Variants in ADGRF3 observed in about 807,000 individuals in gnomAD.
ADGRF3 encodes the protein adhesion G protein-coupled receptor F3.
ADGRF3 carries 85 observed loss-of-function variants against 93.2 expected under a neutral mutation model. The observed-to-expected ratio is 0.91, with a 90% confidence interval of 0.77 to 1.09. The LOEUF is 1.09. Among genes scored for constraint, ADGRF3 ranks in the 50% least tolerant of loss-of-function variants. The pLI is 0.00. For synonymous variants in ADGRF3, 534 were observed against 532.5 expected, an observed-to-expected ratio of 1.00 and a Z score of -0.04; for missense variants, 1,125 against 1,246.2, an observed-to-expected ratio of 0.90 and a Z score of 1.46.
In ADGRF3 at chr2:26,326,406, G is replaced by T. The variant is rs573246946; in HGVS notation, c.115-8844C>A. Among the ~76,000 whole-genome samples the T allele has an allele frequency of 2.6e-5, 4 of 152,222 alleles. No homozygotes were observed. The East Asian group carries it at 7.7e-4, about 29-fold the overall frequency. On this transcript the variant is annotated intron_variant, in intron 1 of 13. Coordinates refer to ENST00000651242, the MANE Select transcript of ADGRF3 (RefSeq NM_001321971.2). ...ACTTTTTGCTTTGGTGAGAGGGAGA[G>T]GGAACAGAAAATATATCCTTCTGGA...
chr2:26,335,159 T>A (rs189420004), intron 1 of ADGRF3, among the ~76,000 whole-genome samples: 122 of 152,294 alleles, frequency 8.0e-4, no homozygotes, highest in Non-Finnish European at 7.6e-4. Flanking sequence ...ATTTTCATTA[T>A]CCCTAAAAGA....
At chr2:26,317,733 A>T (rs1217338025) in intron 1 of ADGRF3, among the ~76,000 whole-genome samples, 171 bp from the exon 2 acceptor site, 1 of 152,204 alleles carries the variant, frequency 6.6e-6, no homozygotes, top group East Asian at 1.9e-4. Context: ...GGTGCCAGGG[A>T]TGCAACCCCA....
chr2:26,315,956 AC>A (rs1674616806), intron 4 of ADGRF3, among the ~76,000 whole-genome samples: 2 of 151,866 alleles, frequency 1.3e-5, no homozygotes, highest in Admixed American at 6.5e-5. Flanking sequence ...CAAAGAGGGA[AC>A]CTTTTTGGTC....
chr2:26,316,494 G>T (rs1223932704), intron 3 of ADGRF3, 46 bp from the exon 4 acceptor site: 2 of 1,532,596 alleles, frequency 1.3e-6, no homozygotes, highest in African/African-American at 2.7e-5. Context: ...GTCTGAAGAA[G>T]CTAGGTGGGC....
Position 26,327,797 on chromosome 2 carries a change from A to G in ADGRF3, c.115-10235T>C, listed in dbSNP as rs1675521706. On this transcript the variant is annotated intron_variant, in intron 1 of 13. Transcript: ENST00000651242. ...CCTTTTATTAGGAGCCTACTCCCAG[A>G]GGACTCCAGGACTGTAAGAAATAAA... 3.3e-5 allele frequency among the ~76,000 whole-genome samples: 5 copies of G among 151,892 alleles called. No individual in the cohort carries two copies. In the South Asian group the frequency reaches 1.0e-3, roughly 32 times the overall value.
At chr2:26,315,298 T>C (rs1412602984) in intron 5 of ADGRF3, among the ~76,000 whole-genome samples, 1 of 152,192 alleles carries the variant, frequency 6.6e-6, no homozygotes, top group African/African-American at 2.4e-5. Flanking sequence ...TTTTTAGAAT[T>C]TTCCACATTG....
At chr2:26,322,229 C>A (rs1675191486) in intron 1 of ADGRF3, among the ~76,000 whole-genome samples, 2 of 148,228 alleles carry the variant, frequency 1.3e-5, no homozygotes, top group Non-Finnish European at 3.0e-5. Flanking sequence ...TTGCAGTGAG[C>A]CGAGATCACT....
intron 1 of ADGRF3, among the ~76,000 whole-genome samples, chr2:26,320,001 G>T (rs934992009): frequency 4.6e-5 from 7 of 152,014 alleles, no homozygotes. Flanking sequence ...TGATAATACT[G>T]GTTTTTTATG....
At position 26,313,829 on chromosome 2, in the gene ADGRF3, A is replaced by G; in HGVS notation, c.1003T>C (p.Tyr335His). Residue 335 changes from tyrosine (Y) to histidine (H), a missense_variant, in exon 7 of 14, where the codon TAC becomes CAC. Physicochemically the swap from Tyr to His is moderately conservative, Grantham distance 83 (BLOSUM62 2). Transcript: ENST00000651242. ...VQRCPMADTTYACDLQSLGLA... is the reference protein window; with the variant it reads ...VQRCPMADTTHACDLQSLGLA... Reference sequence around the variant, plus strand: ...CCCAGGCTCTGCAGGTCACAAGCGTACGTGGTGTCAGCCATCGGGCAGCGC... The same window carrying G: ...CCCAGGCTCTGCAGGTCACAAGCGTGCGTGGTGTCAGCCATCGGGCAGCGC... 6.2e-7 allele frequency: 1 copy of G among 1,614,022 alleles called. No homozygotes were observed.
At chr2:26,323,150 T>C (rs1002038859) in intron 1 of ADGRF3, among the ~76,000 whole-genome samples, 1 of 152,044 alleles carries the variant, frequency 6.6e-6, no homozygotes, top group Non-Finnish European at 1.5e-5. Flanking sequence ...AAAAAAAATC[T>C]ATATATCTGT....
chr2:26,315,127 G>A (rs1265352824), intron 5 of ADGRF3, among the ~76,000 whole-genome samples: 4 of 152,134 alleles, frequency 2.6e-5, no homozygotes, highest in East Asian at 1.9e-4. Context: ...ATTCAATCTC[G>A]TGATGGCCCT....
intron 2 of ADGRF3, 53 bp from the exon 3 acceptor site, chr2:26,317,108 G>A (rs982757992): frequency 1.0e-5 from 16 of 1,546,202 alleles, no homozygotes; most frequent in Middle Eastern, 1.9e-4. Flanking sequence ...GCCACAAGCC[G>A]GTCCCCTCTG....
rs1558406797 is a variant in ADGRF3, at chr2:26,346,063, CGGCCGAA to C, written c.114+51_114+57del. 2.5e-4 allele frequency: 373 copies of C among 1,501,228 alleles called. No homozygotes were observed. In the African/African-American group the frequency reaches 4.7e-3, roughly 19 times the overall value. 93.0% of individuals were successfully genotyped at this position (1,501,228 alleles called of 1,614,324 possible). On this transcript the variant is annotated intron_variant, in intron 1 of 13. Transcript: ENST00000651242. ...TGGGCTGCGCTTGCGCACTGAGAGG[CGGCCGAA>C]GGGGCCGAGGCGGCTACGCGTGCGC...
At position 26,312,830 on chromosome 2, in the gene ADGRF3, G is replaced by A. The variant is rs1446779764; in HGVS notation, c.1449+113C>T. On this transcript the variant is annotated intron_variant, in intron 9 of 13. Coordinates refer to ENST00000651242, the MANE Select transcript of ADGRF3 (RefSeq NM_001321971.2). The stretch of plus-strand genomic sequence containing the variant: ...GGAGCAGGCCCCTGGACTCTGGAAA[G>A]GTCTGCTGCCCAACAGCCCATGGTG... 3.1e-6 allele frequency: 3 copies of A among 957,994 alleles called. No homozygotes were observed. The African/African-American group carries it at 4.9e-5, about 16-fold the overall frequency. The allele number at this position is 957,994 out of a possible 1,614,324, so 59.3% of individuals were successfully genotyped here.
chr2:26,314,700 C>T (rs911015985), intron 5 of ADGRF3, 77 bp from the exon 6 acceptor site: 1 of 1,357,436 alleles, frequency 7.4e-7, no homozygotes, highest in Non-Finnish European at 1.0e-6. Flanking sequence ...GCTTTCCAAG[C>T]CACAGCCTTG....
intron 1 of ADGRF3, among the ~76,000 whole-genome samples, chr2:26,323,344 A>G (rs1468786111): frequency 6.6e-6 from 1 of 152,100 alleles, no homozygotes; most frequent in African/African-American, 2.4e-5. Flanking sequence ...TCCCTCCAAT[A>G]TACATAATGA....
chr2:26,341,315 T>A (rs1200466712), intron 1 of ADGRF3, among the ~76,000 whole-genome samples: 1 of 152,084 alleles, frequency 6.6e-6, no homozygotes, highest in Non-Finnish European at 1.5e-5. Flanking sequence ...GAGGCAGAGG[T>A]TGCGGTTAGC....
At chr2:26,316,234 C>A in intron 4 of ADGRF3, 41 bp downstream of exon 4, 1 of 1,531,320 alleles carries the variant, frequency 6.5e-7, no homozygotes, top group Admixed American at 2.0e-5. Context: ...ACATTTATTT[C>A]ACTTAAGGCC....
In ADGRF3 at chr2:26,316,442, T is replaced by C. The variant is rs1277240084; in HGVS notation, c.332A>G (p.Asn111Ser). 6.4e-6 allele frequency: 10 copies of C among 1,551,432 alleles called. No homozygotes were observed. The East Asian group carries it at 2.0e-4, about 30-fold the overall frequency. ...LTGLRLTTEC[N>S]VNHKGNFYCA... ...ATAGAAATTCCCCTTGTGGTTGACA[T>C]TACACTCTGACAGAGAGAAGAGAAG... Residue 111 changes from asparagine (N) to serine (S), a missense_variant, in exon 4 of 14, where the codon AAT (asparagine) becomes AGT (serine). Transcript: ENST00000651242.
Sources: gnomAD v4.1 joint callset for allele counts (sites outside exome capture counted in the v4.1 genomes callset) on GRCh38, gnomAD v4.1.1 for gene constraint, MANE v1.5 for transcripts, NCBI Gene and HGNC (gene_info 2026-07-23, HGNC 2026-07-21) for gene names.